Variants in RNF212B observed in about 807,000 individuals in gnomAD.
RNF212B encodes ring finger protein 212B, also known as E3 ubiquitin-protein ligase RNF212B.
In RNF212B, 52 loss-of-function variants were observed where a neutral mutation model predicts 55.5. The observed-to-expected ratio is 0.94, with a 90% confidence interval of 0.75 to 1.18. The LOEUF is 1.18. Ranked by LOEUF, RNF212B falls within the 50% of genes most tolerant of loss-of-function variation. The probability of loss-of-function intolerance (pLI) is 0.00; values close to 1 mark genes in which losing one functional copy is unlikely to be tolerated. For synonymous variants in RNF212B, 99 were observed against 121.4 expected (o/e 0.82, Z 1.21); for missense variants, 289 against 350.4 (o/e 0.82, Z 1.40).
intron 2 of RNF212B, among the ~76,000 whole-genome samples, chr14:23,217,246 TGG>T: frequency 6.8e-6 from 1 of 147,414 alleles, no homozygotes; most frequent in South Asian, 2.1e-4. Flanking sequence ...GTGGCAGTGG[TGG>T]CAGTGGTGGG....
At chr14:23,272,661 T>C in intron 14 of RNF212B, 162 bp from the exon 15 acceptor site, 1 of 639,034 alleles carries the variant, frequency 1.6e-6, no homozygotes, top group East Asian at 2.8e-5. Flanking sequence ...ATGTAGCAAA[T>C]CCTAGTTTGG....
intron 4 of RNF212B, among the ~76,000 whole-genome samples, chr14:23,245,823 A>T (rs1555317153): frequency 2.0e-5 from 3 of 152,198 alleles, no homozygotes; most frequent in Non-Finnish European, 2.9e-5. Flanking sequence ...TGAATCCTGC[A>T]CTGGAATATA....
chr14:23,229,170 ATGT>A (rs1261481031), intron 2 of RNF212B, among the ~76,000 whole-genome samples: 1 of 141,520 alleles, frequency 7.1e-6, no homozygotes, highest in African/African-American at 2.6e-5. Flanking sequence ...AGATTCATCC[ATGT>A]TGTAGCATGT....
At chr14:23,211,632 C>T (rs1002610739) in intron 2 of RNF212B, among the ~76,000 whole-genome samples, 2 of 152,256 alleles carry the variant, frequency 1.3e-5, no homozygotes, top group Non-Finnish European at 2.9e-5. Context: ...AAGGATAATA[C>T]GTCATGAACA....
chr14:23,234,219 C>T (rs892209936), upstream of RNF212B, among the ~76,000 whole-genome samples: 2 of 151,340 alleles, frequency 1.3e-5, no homozygotes, highest in Non-Finnish European at 2.9e-5. Context: ...TTAAAAAGCT[C>T]TTTGTATATT....
At chr14:23,269,222 G>A (rs1025969568) in intron 12 of RNF212B, among the ~76,000 whole-genome samples, 3 of 152,208 alleles carry the variant, frequency 2.0e-5, no homozygotes, top group East Asian at 1.9e-4. Flanking sequence ...GAGAATTGCT[G>A]AATCCAGGAG....
chr14:23,213,728 AAG>A (rs1880793522), intron 2 of RNF212B, among the ~76,000 whole-genome samples: 1 of 152,154 alleles, frequency 6.6e-6, no homozygotes, highest in Non-Finnish European at 1.5e-5. Flanking sequence ...TGAAGAAAGA[AAG>A]AGAGAGAAGA....
chr14:23,242,279 C>T (rs534858042), intron 2 of RNF212B, among the ~76,000 whole-genome samples: 3 of 152,068 alleles, frequency 2.0e-5, no homozygotes, highest in East Asian at 3.9e-4. Flanking sequence ...GGTTTGTCTC[C>T]GTGAAGCATA....
At chr14:23,250,001 C>T (rs1884286527) in intron 4 of RNF212B, among the ~76,000 whole-genome samples, 1 of 152,196 alleles carries the variant, frequency 6.6e-6, no homozygotes, top group Non-Finnish European at 1.5e-5. Flanking sequence ...CCTTAACGTT[C>T]TGGTTCCTCC....
At chr14:23,203,706 G>A (rs1382365066) in intron 2 of RNF212B, among the ~76,000 whole-genome samples, 1 of 152,076 alleles carries the variant, frequency 6.6e-6, no homozygotes, top group Non-Finnish European at 1.5e-5. Flanking sequence ...TTGAACTCCT[G>A]ACCTCATGTG....
rs1391739687 is a variant in RNF212B at position 23,254,180 on chromosome 14, GA to G, written c.229-4368del. The stretch of plus-strand genomic sequence containing the variant: ...TGCACCTGTTGTCCCAGCTACTCGG[GA>G]GGCTGAAGTGGGAGGATCACTTGAG... On this transcript the variant is annotated intron_variant, in intron 4 of 14. Transcript: ENST00000430154. Among the ~76,000 whole-genome samples the G allele has an allele frequency of 1.6e-4, 25 of 151,972 alleles. 1 individual carries two copies. Among genetic ancestry groups the G allele is most frequent in the Non-Finnish European group, 3.4e-4 (23 of 67,994 alleles).
At chr14:23,198,923 T>C (rs547871474) in intron 2 of RNF212B, among the ~76,000 whole-genome samples, 1 of 152,218 alleles carries the variant, frequency 6.6e-6, no homozygotes, top group East Asian at 1.9e-4. Flanking sequence ...GCTAGCTTGG[T>C]ATATATATAG....
intron 2 of RNF212B, among the ~76,000 whole-genome samples, chr14:23,228,958 CTA>C (rs1882283082): frequency 6.6e-6 from 1 of 151,978 alleles, no homozygotes; most frequent in Non-Finnish European, 1.5e-5. Context: ...ATCATCATCT[CTA>C]TTTCCATAAT....
At chr14:23,232,907 G>T (rs1346946282) in intron 2 of RNF212B, among the ~76,000 whole-genome samples, 18 of 151,892 alleles carry the variant, frequency 1.2e-4, no homozygotes, top group Admixed American at 3.3e-4. Context: ...TCTGGGAGGT[G>T]TACCCAACAG....
intron 2 of RNF212B, among the ~76,000 whole-genome samples, chr14:23,228,347 A>C (rs1372231569): frequency 6.6e-6 from 1 of 151,744 alleles, no homozygotes; most frequent in Non-Finnish European, 1.5e-5. Context: ...CAGGCTGGCC[A>C]GGCGCAGTGG....
At chr14:23,193,245 A>G (rs972469944) in intron 1 of RNF212B, 2 of 152,206 alleles carry the variant, frequency 1.3e-5, no homozygotes, top group Admixed American at 6.5e-5. Flanking sequence ...TAGCCAAAGT[A>G]TCAATCAAAA....
chr14:23,193,396 A>G (rs1878314482), exon 2 of RNF212B: 1 of 152,210 alleles, frequency 6.6e-6, no homozygotes, highest in African/African-American at 2.4e-5. Context: ...TGAGTTCAGG[A>G]ATAAGGTACC....
intron 4 of RNF212B, among the ~76,000 whole-genome samples, chr14:23,252,976 T>C (rs1361067897): frequency 3.9e-5 from 6 of 152,144 alleles, no homozygotes; most frequent in Non-Finnish European, 8.8e-5. Flanking sequence ...ATGTAATTCT[T>C]GTTAAACCCT....
intron 4 of RNF212B, among the ~76,000 whole-genome samples, chr14:23,248,983 A>AG (rs1884212353): frequency 6.6e-6 from 1 of 152,150 alleles, no homozygotes; most frequent in African/African-American, 2.4e-5. Context: ...AAGCAGCCAT[A>AG]GACAGCATGT....
Sources: gnomAD v4.1 joint callset for allele counts (sites outside exome capture counted in the v4.1 genomes callset) on GRCh38, gnomAD v4.1.1 for gene constraint, MANE v1.5 for transcripts, NCBI Gene and HGNC (gene_info 2026-07-23, HGNC 2026-07-21) for gene names.